Variants in ACAP2 observed in about 807,000 individuals in gnomAD.
ACAP2 encodes ArfGAP with coiled-coil, ankyrin repeat and PH domains 2.
Under a neutral mutation model 115.8 loss-of-function variants are expected in ACAP2, and 39 were observed. That is an observed-to-expected ratio of 0.34 (90% CI 0.26 to 0.44). The LOEUF is 0.44. Among genes scored for constraint, ACAP2 ranks in the 20% least tolerant of loss-of-function variants. The probability of loss-of-function intolerance (pLI) is 1.00; values close to 1 mark genes in which losing one functional copy is unlikely to be tolerated. For missense variants in ACAP2, 662 were observed against 927.6 expected (o/e 0.71, Z 3.72); for synonymous variants, 289 against 315.8 (o/e 0.92, Z 0.90).
chr3:195,428,453 AAT>A (rs1181850479), intron 1 of ACAP2, among the ~76,000 whole-genome samples: 1 of 151,796 alleles, frequency 6.6e-6, no homozygotes, highest in Non-Finnish European at 1.5e-5. Context: ...ATGGGATTAT[AAT>A]ATCATATTTT....
At chr3:195,285,650 A>C in intron 22 of ACAP2, 146 bp downstream of exon 22, 1 of 664,532 alleles carries the variant, frequency 1.5e-6, no homozygotes, top group Non-Finnish European at 2.5e-6. Context: ...AAAGCTAACA[A>C]CTCACAATTT....
At chr3:195,356,234 G>C (rs554768200) in intron 4 of ACAP2, 2 of 455,802 alleles carry the variant, frequency 4.4e-6, no homozygotes, top group South Asian at 1.5e-5. Context: ...CCGGAACGCA[G>C]TGCTGCCAAT....
intron 4 of ACAP2, among the ~76,000 whole-genome samples, chr3:195,347,712 A>T (rs1447951703): frequency 6.6e-6 from 1 of 152,244 alleles, no homozygotes; most frequent in Non-Finnish European, 1.5e-5. Flanking sequence ...CTTGACCTCA[A>T]GAAATAAAAT....
At chr3:195,325,103 T>A (rs1422895225) in intron 9 of ACAP2, among the ~76,000 whole-genome samples, 1 of 152,154 alleles carries the variant, frequency 6.6e-6, no homozygotes, top group African/African-American at 2.4e-5. Context: ...TGGGCCAAAA[T>A]CTGAAAGTCT....
At chr3:195,341,347 C>T (rs112408839) in intron 6 of ACAP2, among the ~76,000 whole-genome samples, 2,627 of 90,026 alleles carry the variant, frequency 0.029, 79 homozygotes, top group East Asian at 0.17. Flanking sequence ...TTTTTTGAGA[C>T]GGAGTCTCGC....
chr3:195,424,284 T>TATATA (rs1491225166), intron 1 of ACAP2, among the ~76,000 whole-genome samples: 15 of 15,856 alleles, frequency 9.5e-4, no homozygotes, highest in Non-Finnish European at 1.1e-3. Flanking sequence ...TATATATATA[T>TATATA]TTTTTTTTTT....
intron 20 of ACAP2, among the ~76,000 whole-genome samples, chr3:195,291,442 G>A (rs533279052): frequency 5.3e-5 from 8 of 152,308 alleles, no homozygotes; most frequent in Admixed American, 3.3e-4. Context: ...TTTAATAACA[G>A]AGAAAGTTAA....
intron 1 of ACAP2, among the ~76,000 whole-genome samples, chr3:195,439,009 C>T (rs1432552341): frequency 1.3e-5 from 2 of 151,482 alleles, no homozygotes; most frequent in Non-Finnish European, 2.9e-5. Flanking sequence ...TGCAGTGAGC[C>T]GACATCGTGC....
chr3:195,430,277 T>C (rs1006569456), intron 1 of ACAP2, among the ~76,000 whole-genome samples: 6 of 152,196 alleles, frequency 3.9e-5, no homozygotes. Flanking sequence ...ATTTGATGGA[T>C]GTTTGATGCT....
chr3:195,354,820 A>G (rs552826581), intron 4 of ACAP2, among the ~76,000 whole-genome samples: 1 of 152,340 alleles, frequency 6.6e-6, no homozygotes, highest in South Asian at 2.1e-4. Flanking sequence ...CTTGAATAGA[A>G]TGTCAAGTAT....
At chr3:195,387,089 G>A (rs1282488361) in intron 2 of ACAP2, among the ~76,000 whole-genome samples, 1 of 152,158 alleles carries the variant, frequency 6.6e-6, no homozygotes, top group Non-Finnish European at 1.5e-5. Flanking sequence ...CAGCTATCCA[G>A]GAGGAAGGAC....
At chr3:195,324,337 G>A (rs1322837578) in intron 9 of ACAP2, among the ~76,000 whole-genome samples, 1 of 152,108 alleles carries the variant, frequency 6.6e-6, no homozygotes, top group Non-Finnish European at 1.5e-5. Flanking sequence ...ATATAACACA[G>A]GATATACCAC....
chr3:195,289,328 A>C (rs1247064031), intron 20 of ACAP2, 97 bp from the exon 21 acceptor site: 1 of 802,086 alleles, frequency 1.2e-6, no homozygotes, highest in Admixed American at 2.7e-5. Flanking sequence ...TAACATTTTC[A>C]TTAGGAAATT....
intron 2 of ACAP2, among the ~76,000 whole-genome samples, chr3:195,383,946 A>C (rs1040063286): frequency 4.1e-4 from 62 of 152,276 alleles, no homozygotes; most frequent in African/African-American, 1.4e-3. Flanking sequence ...TACTAACAGC[A>C]AAGATGAAAA....
intron 1 of ACAP2, among the ~76,000 whole-genome samples, chr3:195,433,320 T>C (rs188262702): frequency 4.6e-5 from 7 of 152,382 alleles, no homozygotes; most frequent in East Asian, 1.9e-4. Flanking sequence ...TTCCAAAATA[T>C]TCTCAATCCA....
chr3:195,285,033 T>A (rs1726753593), intron 22 of ACAP2, among the ~76,000 whole-genome samples: 1 of 152,208 alleles, frequency 6.6e-6, no homozygotes, highest in South Asian at 2.1e-4. Flanking sequence ...GAATTGAAAT[T>A]TCTCAAGTAG....
chr3:195,392,836 T>C (rs1734767883), intron 1 of ACAP2, among the ~76,000 whole-genome samples: 1 of 152,230 alleles, frequency 6.6e-6, no homozygotes, highest in African/African-American at 2.4e-5. Flanking sequence ...CAACTAAGTT[T>C]TGGGGATGAA....
intron 15 of ACAP2, among the ~76,000 whole-genome samples, chr3:195,301,364 G>A (rs112198464): frequency 0.024 from 3,717 of 152,184 alleles, 144 homozygotes; most frequent in African/African-American, 0.083. Context: ...GGGATTACAG[G>A]CGTGAGCCAC....
intron 1 of ACAP2, among the ~76,000 whole-genome samples, chr3:195,395,177 A>T (rs1456211285): frequency 6.6e-6 from 1 of 152,182 alleles, no homozygotes; most frequent in African/African-American, 2.4e-5. Flanking sequence ...TACGAAGCAC[A>T]TAACTTTTAT....
Sources: gnomAD v4.1 joint callset for allele counts (sites outside exome capture counted in the v4.1 genomes callset) on GRCh38, gnomAD v4.1.1 for gene constraint, MANE v1.5 for transcripts, NCBI Gene and HGNC (gene_info 2026-07-23, HGNC 2026-07-21) for gene names.